RANBP2: variants seen among roughly 807,000 people sequenced by gnomAD.
The protein encoded by RANBP2 is RAN binding protein 2.
RANBP2 carries 57 observed loss-of-function variants against 303.6 expected under a neutral mutation model. The observed-to-expected ratio is 0.19, with a 90% CI of 0.15 to 0.23. RANBP2 has a LOEUF of 0.23. Among genes scored for constraint, RANBP2 ranks in the 10% least tolerant of loss-of-function variants. The pLI is 1.00. For missense variants in RANBP2, 3,138 were observed against 3,780.8 expected (o/e 0.83, Z 4.46); for synonymous variants, 1,167 against 1,301.5 (o/e 0.90, Z 2.23).
chr2:109,475,364 G>A, the RANBP2 span, among the ~76,000 whole-genome samples: 5 of 152,334 alleles, frequency 3.3e-5, no homozygotes, highest in African/African-American at 1.2e-4. Flanking sequence ...ATGCTCCAAA[G>A]CAAACCCACG....
chr2:109,740,951 G>A, the RANBP2 span, among the ~76,000 whole-genome samples: 1 of 72,956 alleles, frequency 1.4e-5, no homozygotes, highest in Admixed American at 1.8e-4. Context: ...GGTGCAGTTG[G>A]TGTCACTGTT....
At chr2:109,184,716 C>T in the RANBP2 span, among the ~76,000 whole-genome samples, 29 of 152,180 alleles carry the variant, frequency 1.9e-4, no homozygotes, top group Non-Finnish European at 3.7e-4. Flanking sequence ...TCTCCAAGTG[C>T]CTCCTGTGAA....
the RANBP2 span, chr2:109,128,960 T>G: frequency 7.2e-6 from 3 of 418,698 alleles, no homozygotes; most frequent in South Asian, 5.0e-5. Context: ...GCAGTGACCG[T>G]GACCTCCGCG....
the RANBP2 span, among the ~76,000 whole-genome samples, chr2:109,198,707 A>G: frequency 6.6e-6 from 1 of 152,184 alleles, no homozygotes; most frequent in South Asian, 2.1e-4. Flanking sequence ...AAAGGGGACT[A>G]ATCCCATTCG....
chr2:109,315,523 C>T, the RANBP2 span, among the ~76,000 whole-genome samples: 3 of 152,224 alleles, frequency 2.0e-5, no homozygotes, highest in South Asian at 2.1e-4. Context: ...ATATACAGAA[C>T]GACCATCCGT....
In RANBP2 at chr2:108,748,374, ATTT is replaced by A. The variant is rs34247750; in HGVS notation, c.1064-528_1064-526del. On this transcript the variant is annotated intron_variant, in intron 8 of 28. Transcript: ENST00000283195. The stretch of plus-strand genomic sequence containing the variant: ...AGGCGCCAGCCACCAGGGCCGGCTA[ATTT>A]TTTTTTTTTTTTTTTTTGTATTTTT... Among the ~76,000 whole-genome samples the A allele has an allele frequency of 3.6e-3, 474 of 130,742 alleles. 4 individuals carry two copies. The highest frequency in any genetic ancestry group is 0.012 in the African/African-American group (407 of 34,228). The allele number at this position is 130,742 out of a possible 152,430, so 85.8% of individuals were successfully genotyped here. A position where few individuals can be genotyped will look rare whatever the true frequency, so the allele number is the denominator to read the frequency against.
chr2:108,746,274 G>A (rs549640458), intron 7 of RANBP2, among the ~76,000 whole-genome samples: 14 of 143,518 alleles, frequency 9.8e-5, no homozygotes, highest in African/African-American at 1.9e-4. Flanking sequence ...GTGCAATGGC[G>A]CAGTCTCAGC....
At chr2:108,917,515 T>C in the RANBP2 span, among the ~76,000 whole-genome samples, 2 of 152,238 alleles carry the variant, frequency 1.3e-5, no homozygotes. Flanking sequence ...AATTTCACTC[T>C]GTACCCCATA....
chr2:109,249,001 C>G, the RANBP2 span, among the ~76,000 whole-genome samples: 3 of 152,144 alleles, frequency 2.0e-5, no homozygotes, highest in Non-Finnish European at 2.9e-5. Flanking sequence ...CCCACCTCAG[C>G]CTCCTGAGTA....
At chr2:108,912,246 C>T in the RANBP2 span, among the ~76,000 whole-genome samples, 1 of 152,220 alleles carries the variant, frequency 6.6e-6, no homozygotes, top group Admixed American at 6.5e-5. Flanking sequence ...TCCTCAATCC[C>T]TTCTTCCCTG....
In RANBP2 at chr2:108,753,000, C is replaced by T. The variant is rs775184117; in HGVS notation, c.1758C>T (p.Gly586=). 1.2e-6 allele frequency: 2 copies of T among 1,608,050 alleles called. No individual in the cohort carries two copies. The highest frequency in any genetic ancestry group is 1.7e-6 in the Non-Finnish European group (2 of 1,178,484). Residue 586 remains glycine (G), a splice_region_variant and synonymous_variant, in exon 13 of 29, where the codon GGC becomes GGT. Transcript: ENST00000283195. ...VHWAECLQKT[G]SGLNSFYDQR... ...GTGCTTTTAACTTTCTTTTTTAGGGCAGCGGTCTTAATTCTTTTTATGATC... is the reference window on the plus strand; with the variant it reads ...GTGCTTTTAACTTTCTTTTTTAGGGTAGCGGTCTTAATTCTTTTTATGATC...
the RANBP2 span, among the ~76,000 whole-genome samples, chr2:109,402,355 G>T: frequency 6.2e-3 from 939 of 152,368 alleles, 11 homozygotes; most frequent in African/African-American, 0.021. Context: ...GCCCAGGAGA[G>T]GGAGCCCAGG....
the RANBP2 span, among the ~76,000 whole-genome samples, chr2:109,549,366 G>A: frequency 2.6e-5 from 4 of 152,180 alleles, no homozygotes; most frequent in African/African-American, 9.7e-5. Flanking sequence ...CATCATTCAT[G>A]AGGTTGACTA....
chr2:109,580,807 G>T, the RANBP2 span, among the ~76,000 whole-genome samples: 2 of 152,218 alleles, frequency 1.3e-5, no homozygotes. Flanking sequence ...CCTCTTTTAT[G>T]AGCCCTACCA....
the RANBP2 span, among the ~76,000 whole-genome samples, chr2:108,968,739 G>A: frequency 6.6e-6 from 1 of 152,188 alleles, no homozygotes; most frequent in Non-Finnish European, 1.5e-5. Context: ...GATACAAAAA[G>A]CCATCGAACA....
chr2:109,799,387 G>A, the RANBP2 span, among the ~76,000 whole-genome samples: 31 of 17,708 alleles, frequency 1.8e-3, no homozygotes, highest in African/African-American at 0.012. Context: ...GGGATTGCAG[G>A]TGTTAGCCTG....
chr2:109,452,662 A>G, the RANBP2 span, among the ~76,000 whole-genome samples: 2 of 152,190 alleles, frequency 1.3e-5, no homozygotes, highest in Non-Finnish European at 1.5e-5. Context: ...CCCCAAAACC[A>G]GCTCTGTGTT....
chr2:109,667,210 A>G, the RANBP2 span: 1 of 1,181,772 alleles, frequency 8.5e-7, no homozygotes, highest in Non-Finnish European at 1.3e-6. Flanking sequence ...CCATTTAAGA[A>G]CAAGCCCAAG....
At chr2:108,755,769 T>G (rs1573784637) in intron 17 of RANBP2, among the ~76,000 whole-genome samples, 1 of 151,888 alleles carries the variant, frequency 6.6e-6, no homozygotes, top group Non-Finnish European at 1.5e-5. Context: ...TGTTGCCCAG[T>G]CTGGAGTGCA....
Sources: allele counts gnomAD v4.1 joint callset (sites outside exome capture counted in the v4.1 genomes callset), GRCh38; gene constraint gnomAD v4.1.1; transcripts MANE v1.5; gene names NCBI Gene and HGNC (gene_info 2026-07-23, HGNC 2026-07-21).